KCNIP1: variants seen among roughly 807,000 people sequenced by gnomAD.
KCNIP1 encodes potassium voltage-gated channel interacting protein 1, also known as A-type potassium channel modulatory protein KCNIP1.
KCNIP1 carries 18 observed loss-of-function variants against 33.0 expected under a neutral mutation model. The observed-to-expected ratio is 0.55, with a 90% CI of 0.38 to 0.81. KCNIP1 has a LOEUF of 0.81. KCNIP1 is among the 30% of genes least tolerant of loss of function. The pLI is 0.00. For synonymous variants in KCNIP1, 93 were observed against 98.3 expected, an observed-to-expected ratio of 0.95 and a Z score of 0.32; for missense variants, 238 against 271.6, an observed-to-expected ratio of 0.88 and a Z score of 0.87.
intron 1 of KCNIP1, among the ~76,000 whole-genome samples, chr5:170,599,368 C>A (rs1398783434): frequency 6.6e-6 from 1 of 152,126 alleles, no homozygotes; most frequent in East Asian, 1.9e-4. Context: ...CCTCACTCCC[C>A]GAGGAATCGC....
intron 1 of KCNIP1, among the ~76,000 whole-genome samples, chr5:170,670,742 A>G (rs1383509377): frequency 6.6e-6 from 1 of 151,994 alleles, no homozygotes; most frequent in Admixed American, 6.5e-5. Context: ...AAATACAAAA[A>G]TTTAGCCAGG....
At chr5:170,565,936 T>C (rs1216270837) in intron 1 of KCNIP1, among the ~76,000 whole-genome samples, 2 of 152,238 alleles carry the variant, frequency 1.3e-5, no homozygotes, top group African/African-American at 4.8e-5. Context: ...CAGGATATTA[T>C]TAGCAACAAT....
rs1008929538 is a variant in KCNIP1 at position 170,456,315 on chromosome 5, G to A, written c.88+102351G>A. ...CACACACCGGGGCCTGTCGGAGGGT[G>A]GGGGGCAAGTGGAGGGAGAGCATTA... On this transcript the variant is annotated intron_variant, in intron 1 of 7. Transcript: ENST00000377360. 3.9e-5 allele frequency among the ~76,000 whole-genome samples: 6 copies of A among 151,940 alleles called. 1 individual carries two copies. Among genetic ancestry groups the A allele is most frequent in the Non-Finnish European group, 5.9e-5 (4 of 67,992 alleles).
At chr5:170,421,725 T>A (rs1179870285) in intron 1 of KCNIP1, among the ~76,000 whole-genome samples, 2 of 152,216 alleles carry the variant, frequency 1.3e-5, no homozygotes, top group African/African-American at 4.8e-5. Flanking sequence ...ATATATGAAT[T>A]TGGGAGAGGA....
intron 1 of KCNIP1, among the ~76,000 whole-genome samples, chr5:170,658,897 G>A (rs79287450): frequency 0.055 from 8,334 of 152,222 alleles, 298 homozygotes; most frequent in Non-Finnish European, 0.081. Flanking sequence ...TTCCTGTTGG[G>A]GGTTTGGGAG....
intron 1 of KCNIP1, among the ~76,000 whole-genome samples, chr5:170,434,961 T>C (rs1755827620): frequency 1.3e-5 from 2 of 152,126 alleles, no homozygotes. Context: ...TCTCAATCCA[T>C]CTATCAGTAA....
chr5:170,387,969 A>T lies in KCNIP1; in HGVS notation c.88+34005A>T, dbSNP rs73800653. On this transcript the variant is annotated intron_variant, in intron 1 of 7. Transcript: ENST00000377360. ...ACAAAGCCATTTCTCTCCTGGGGGA[A>T]CTGGATCGCACCTGTGGGGGCTTCC... Among the ~76,000 whole-genome samples, 322 of 152,330 alleles carry T rather than the reference A, an allele frequency of 2.1e-3. 2 individuals carry two copies. The highest frequency in any genetic ancestry group is 0.02 in the Middle Eastern group (6 of 294).
intron 1 of KCNIP1, among the ~76,000 whole-genome samples, chr5:170,596,059 C>G (rs1023807663): frequency 2.6e-5 from 4 of 152,124 alleles, no homozygotes; most frequent in Non-Finnish European, 4.4e-5. Flanking sequence ...TGCAGGGACT[C>G]AAAAAGTTGT....
At chr5:170,729,621 AAT>A (rs1764127525) in intron 5 of KCNIP1, among the ~76,000 whole-genome samples, 1 of 152,076 alleles carries the variant, frequency 6.6e-6, no homozygotes, top group South Asian at 2.1e-4. Context: ...AATAAATAAA[AAT>A]AGTCAATACA....
chr5:170,468,570 GT>G (rs966948909), intron 1 of KCNIP1, among the ~76,000 whole-genome samples: 1 of 152,060 alleles, frequency 6.6e-6, no homozygotes, highest in Admixed American at 6.5e-5. Flanking sequence ...CTAATTAATA[GT>G]TTTTTTATTA....
At position 170,385,189 on chromosome 5, in the gene KCNIP1, T is replaced by C; in HGVS notation, c.88+31225T>C. On this transcript the variant is annotated intron_variant, in intron 1 of 7. Transcript: ENST00000377360. ...GAACCCTAGAACCTAAGAATGAGCA[T>C]CGTCTTGACCCTGCTGCCTTGAATG... The C allele has an allele frequency of 2.9e-6, 3 of 1,036,480 alleles. No homozygotes were observed. The South Asian group carries it at 4.3e-5, about 15-fold the overall frequency. 64.2% of individuals were successfully genotyped at this position (1,036,480 alleles called of 1,614,324 possible).
intron 1 of KCNIP1, chr5:170,375,358 A>G (rs571887590): frequency 6.6e-6 from 1 of 152,372 alleles, no homozygotes; most frequent in South Asian, 2.1e-4. Flanking sequence ...AGGAAGGTCC[A>G]CCAGGTAAGA....
intron 1 of KCNIP1, among the ~76,000 whole-genome samples, chr5:170,526,254 T>C (rs1333573975): frequency 6.6e-6 from 1 of 152,214 alleles, no homozygotes; most frequent in Non-Finnish European, 1.5e-5. Context: ...TCAGCAGTGC[T>C]TAGAACAGTG....
intron 1 of KCNIP1, among the ~76,000 whole-genome samples, chr5:170,463,912 A>G (rs977180015): frequency 2.6e-5 from 4 of 152,188 alleles, no homozygotes; most frequent in African/African-American, 9.7e-5. Context: ...TATAGAGACA[A>G]TCCTAAATAA....
chr5:170,599,008 C>T (rs1300881177), intron 1 of KCNIP1, among the ~76,000 whole-genome samples: 3 of 151,696 alleles, frequency 2.0e-5, no homozygotes, highest in African/African-American at 4.8e-5. Context: ...GAGGCCCCGG[C>T]CCATAAGTAA....
chr5:170,715,271 G>GAGTAT (rs1472690889), intron 1 of KCNIP1, among the ~76,000 whole-genome samples: 2 of 152,178 alleles, frequency 1.3e-5, no homozygotes, highest in African/African-American at 4.8e-5. Context: ...AGGTTTGCGT[G>GAGTAT]AGTATACTCC....
intron 1 of KCNIP1, chr5:170,383,761 G>A (rs1181827504): frequency 6.2e-7 from 1 of 1,614,160 alleles, no homozygotes; most frequent in Admixed American, 1.7e-5. Flanking sequence ...CCACAGGCAT[G>A]GGTACTGGGG....
chr5:170,432,763 C>T (rs1755772831), intron 1 of KCNIP1, among the ~76,000 whole-genome samples: 1 of 152,200 alleles, frequency 6.6e-6, no homozygotes, highest in African/African-American at 2.4e-5. Flanking sequence ...TTATTATATC[C>T]TCGCTACAAC....
chr5:170,650,255 C>T (rs969519132), intron 1 of KCNIP1, among the ~76,000 whole-genome samples: 6 of 151,866 alleles, frequency 4.0e-5, no homozygotes, highest in African/African-American at 1.5e-4. Flanking sequence ...ATGAAATCAC[C>T]ACAATCAAGA....
Sources: gnomAD v4.1 joint callset for allele counts (sites outside exome capture counted in the v4.1 genomes callset) on GRCh38, gnomAD v4.1.1 for gene constraint, MANE v1.5 for transcripts, NCBI Gene and HGNC (gene_info 2026-07-23, HGNC 2026-07-21) for gene names.